ANKFY1: variants seen among roughly 807,000 people sequenced by gnomAD.
ANKFY1 encodes ankyrin repeat and FYVE domain containing 1, also known as ankyrin repeat and FYVE domain-containing protein 1.
Under a neutral mutation model 128.3 loss-of-function variants are expected in ANKFY1, and 47 were observed. The observed-to-expected ratio is 0.37, with a 90% CI of 0.29 to 0.47. The LOEUF (loss-of-function observed/expected upper bound fraction) is 0.47. ANKFY1 is among the 20% of genes least tolerant of loss of function. ANKFY1 has a pLI of 1.00. For synonymous variants in ANKFY1, 553 were observed against 601.6 expected (o/e 0.92, Z 1.18); for missense variants, 1,222 against 1,510.6 (o/e 0.81, Z 3.17).
intron 1 of ANKFY1, among the ~76,000 whole-genome samples, chr17:4,243,437 G>T (rs1489564737): frequency 1.3e-5 from 2 of 151,506 alleles, no homozygotes; most frequent in Non-Finnish European, 2.9e-5. Flanking sequence ...GGACTCAACT[G>T]TTCCCCCTGC....
At position 4,169,081 on chromosome 17, in the gene ANKFY1, G is replaced by A; in HGVS notation, c.3377+117C>T. On this transcript the variant is annotated intron_variant, in intron 24 of 24. Coordinates refer to ENST00000341657, the MANE Select transcript of ANKFY1 (RefSeq NM_001330063.2). The surrounding 1 kb of genome is among the most constrained non-coding windows in gnomAD (Gnocchi z 5.0). Reference sequence around the variant, plus strand: ...TCATCTCATCCCTCCATTTGGTCAAGGTTTGCCCATCAATGTGCAGGACCC... The same window carrying A: ...TCATCTCATCCCTCCATTTGGTCAAAGTTTGCCCATCAATGTGCAGGACCC... 1.1e-6 allele frequency: 1 copy of A among 899,528 alleles called. No individual in the cohort carries two copies. The highest frequency in any genetic ancestry group is 1.7e-6 in the Non-Finnish European group (1 of 572,728). 55.7% of individuals were successfully genotyped at this position (899,528 alleles called of 1,614,324 possible). A position where few individuals can be genotyped will look rare whatever the true frequency, so the allele number is the denominator to read the frequency against.
intron 3 of ANKFY1, among the ~76,000 whole-genome samples, chr17:4,230,136 A>C (rs571886875): frequency 2.0e-4 from 30 of 152,222 alleles, no homozygotes; most frequent in Admixed American, 5.2e-4. Flanking sequence ...TTAAAAATTT[A>C]AATAGCACAC....
rs771461383 is a variant in ANKFY1 at position 4,216,858 on chromosome 17, G to A, written c.458+125C>T. ...GGAGGTAACATCTGTCCCCAGCATC[G>A]CCTTTAAAGGAACACCTTGCCAAGT... On this transcript the variant is annotated intron_variant, in intron 4 of 24. Coordinates refer to ENST00000341657, the MANE Select transcript of ANKFY1 (RefSeq NM_001330063.2). 1.2e-5 allele frequency: 16 copies of A among 1,329,532 alleles called. No individual in the cohort carries two copies. The East Asian group carries it at 3.2e-4, about 27-fold the overall frequency. 82.4% of individuals were successfully genotyped at this position (1,329,532 alleles called of 1,614,324 possible). A position where few individuals can be genotyped will look rare whatever the true frequency, so the allele number is the denominator to read the frequency against.
chr17:4,206,913 C>G (rs950377254), intron 6 of ANKFY1, among the ~76,000 whole-genome samples: 2 of 152,334 alleles, frequency 1.3e-5, no homozygotes, highest in African/African-American at 4.8e-5. Flanking sequence ...ACATACTTCG[C>G]TCCCATCTGT....
intron 10 of ANKFY1, among the ~76,000 whole-genome samples, chr17:4,193,024 A>AC (rs1176450407): frequency 6.6e-6 from 1 of 152,244 alleles, no homozygotes; most frequent in Non-Finnish European, 1.5e-5. Flanking sequence ...AGCAAGAAAA[A>AC]TGGACAAAAC....
At chr17:4,238,548 A>C (rs1295719162) in intron 2 of ANKFY1, among the ~76,000 whole-genome samples, 1 of 151,720 alleles carries the variant, frequency 6.6e-6, no homozygotes, top group East Asian at 1.9e-4. Flanking sequence ...ATCCAGGCTC[A>C]CCACAACCTC....
chr17:4,241,336 G>A (rs1329902535), intron 2 of ANKFY1, among the ~76,000 whole-genome samples: 1 of 143,986 alleles, frequency 6.9e-6, no homozygotes, highest in Non-Finnish European at 1.5e-5. Context: ...CTGGAGTGTA[G>A]TGGCACAATC....
intron 21 of ANKFY1, 50 bp downstream of exon 21, chr17:4,173,304 T>C (rs375715985): frequency 1.6e-5 from 25 of 1,572,998 alleles, no homozygotes; most frequent in Middle Eastern, 1.9e-4. Flanking sequence ...CCAGCAGCTC[T>C]GAGCAGCAGG....
Position 4,165,992 on chromosome 17 carries a change from A to C in ANKFY1, c.*1787T>G, listed in dbSNP as rs927096976. 11 of 152,236 alleles carry C rather than the reference A, an allele frequency of 7.2e-5. No individual in the cohort carries two copies. The highest frequency in any genetic ancestry group is 5.2e-4 in the Admixed American group (8 of 15,284). 9.4% of individuals were successfully genotyped at this position (152,236 alleles called of 1,614,324 possible). ...AACTGACCACATGCCTCACATGGCCAAATGTTTGCCAAGACTAGCAGAGTT... is the reference window on the plus strand; with the variant it reads ...AACTGACCACATGCCTCACATGGCCCAATGTTTGCCAAGACTAGCAGAGTT... On this transcript the variant is annotated 3_prime_UTR_variant, in exon 25 of 25. Transcript: ENST00000341657.
At chr17:4,176,349 G>A (rs754561267) in intron 19 of ANKFY1, among the ~76,000 whole-genome samples, 3 of 152,234 alleles carry the variant, frequency 2.0e-5, no homozygotes, top group Admixed American at 6.5e-5. Context: ...GCTGACAGGA[G>A]GGACCAGCGA....
In ANKFY1 at chr17:4,220,648, C is replaced by T. The variant is rs144021371; in HGVS notation, c.323-3530G>A. Reference sequence around the variant, plus strand: ...GGTTCAAGTGATTTACAAGCTTTCCCACTCCTGCCGTGACTCTTCCCCTCA... The same window carrying T: ...GGTTCAAGTGATTTACAAGCTTTCCTACTCCTGCCGTGACTCTTCCCCTCA... On this transcript the variant is annotated intron_variant, in intron 3 of 24. Transcript: ENST00000341657. Among the ~76,000 whole-genome samples the T allele has an allele frequency of 7.7e-3, 1,167 of 152,234 alleles. 5 individuals carry two copies. Among genetic ancestry groups the T allele is most frequent in the South Asian group, 0.012 (59 of 4,832 alleles).
intron 1 of ANKFY1, among the ~76,000 whole-genome samples, chr17:4,254,546 A>G (rs1968015185): frequency 6.6e-6 from 1 of 152,198 alleles, no homozygotes; most frequent in Admixed American, 6.5e-5. Context: ...ATTTGAGCCC[A>G]GTGATACTGA....
At chr17:4,171,539 G>A (rs922703306) in intron 22 of ANKFY1, among the ~76,000 whole-genome samples, 1 of 152,178 alleles carries the variant, frequency 6.6e-6, no homozygotes, top group Admixed American at 6.5e-5. Flanking sequence ...GCCTATGAGG[G>A]AGAATGCACC....
At position 4,166,212 on chromosome 17, in the gene ANKFY1, G is replaced by GA. The variant is rs2059207967; in HGVS notation, c.*1566dup. On this transcript the variant is annotated 3_prime_UTR_variant, in exon 25 of 25. Coordinates refer to ENST00000341657, the MANE Select transcript of ANKFY1 (RefSeq NM_001330063.2). Reference sequence around the variant, plus strand: ...ATTTTACACACATATTTAGGCAACAGAATGTATAAATCTACCGCAATACAG... The same window carrying GA: ...ATTTTACACACATATTTAGGCAACAGAAATGTATAAATCTACCGCAATACAG... The GA allele has an allele frequency of 6.6e-6, 1 of 152,130 alleles. No homozygotes were observed. Among genetic ancestry groups the GA allele is most frequent in the South Asian group, 2.1e-4 (1 of 4,822 alleles). The allele number at this position is 152,130 out of a possible 1,614,324, so 9.4% of individuals were successfully genotyped here.
intron 3 of ANKFY1, among the ~76,000 whole-genome samples, chr17:4,224,455 G>A (rs1449972962): frequency 1.3e-5 from 2 of 151,544 alleles, no homozygotes. Context: ...TTTTTTTAAT[G>A]TTATTTTTTA....
At chr17:4,240,776 G>A (rs1967169841) in intron 2 of ANKFY1, among the ~76,000 whole-genome samples, 2 of 152,152 alleles carry the variant, frequency 1.3e-5, no homozygotes, top group Admixed American at 6.5e-5. Context: ...AGAAGACCAA[G>A]TCCAAACTCC....
Position 4,170,778 on chromosome 17 carries a change from T to A in ANKFY1, c.3223A>T (p.Asn1075Tyr). Residue 1075 changes from asparagine to tyrosine, a missense_variant, in exon 23 of 25, where the codon AAC becomes TAC. By Grantham distance (143) the Asn-to-Tyr change is moderately radical. Transcript: ENST00000341657. ...RSGARLGVNN[N>Y]QGVNIFNYQV... ...TAGTTGAAGATGTTGACTCCCTGGT[T>A]GTTATTCACCCCGAGGCGAGCCCCC... 1.2e-6 allele frequency: 2 copies of A among 1,614,158 alleles called. No homozygotes were observed. Among genetic ancestry groups the A allele is most frequent in the Admixed American group, 1.7e-5 (1 of 60,012 alleles).
intron 9 of ANKFY1, 100 bp from the exon 10 acceptor site, chr17:4,195,277 C>G: frequency 9.6e-7 from 1 of 1,046,652 alleles, no homozygotes; most frequent in South Asian, 1.5e-5. Context: ...TTCAATGACA[C>G]ATTTTTTTTT....
rs1051210578 is a variant in ANKFY1 at position 4,187,347 on chromosome 17, C to T, written c.1470+2035G>A. 3 of 398,444 alleles carry T rather than the reference C, an allele frequency of 7.5e-6. No individual in the cohort carries two copies. In the Admixed American group the frequency reaches 1.3e-4, roughly 18 times the overall value. The allele number at this position is 398,444 out of a possible 1,614,324, so 24.7% of individuals were successfully genotyped here. On this transcript the variant is annotated intron_variant, in intron 11 of 24. Transcript: ENST00000341657. ...CAGGACAGGACAGGTCATTGCTTGT[C>T]AAGATGACTCCCACTTGGCTCCAGC...
Sources: allele counts gnomAD v4.1 joint callset (sites outside exome capture counted in the v4.1 genomes callset), GRCh38; gene constraint gnomAD v4.1.1; non-coding constraint Gnocchi (gnomAD v3.1); transcripts MANE v1.5; gene names NCBI Gene and HGNC (gene_info 2026-07-23, HGNC 2026-07-21).